CTNNA3: variants seen among roughly 807,000 people sequenced by gnomAD.
CTNNA3 encodes the protein catenin alpha 3.
CTNNA3 carries 76 observed loss-of-function variants against 95.7 expected under a neutral mutation model. The observed-to-expected ratio is 0.79, with a 90% CI of 0.66 to 0.96. The LOEUF is 0.96. Among genes scored for constraint, CTNNA3 ranks in the 40% least tolerant of loss-of-function variants. The pLI, the probability that CTNNA3 is intolerant of heterozygous loss-of-function variation, is 0.00. For missense variants in CTNNA3, 1,191 were observed against 1,089.8 expected (o/e 1.09, Z -1.31); for synonymous variants, 431 against 374.4 (o/e 1.15, Z -1.74).
chr10:67,471,489 G>T (rs1018561243), intron 5 of CTNNA3, among the ~76,000 whole-genome samples: 1 of 152,052 alleles, frequency 6.6e-6, no homozygotes, highest in Non-Finnish European at 1.5e-5. Flanking sequence ...TTTACTTTAC[G>T]GATTCAGTAA....
chr10:66,018,309 C>T (rs1325026384), intron 15 of CTNNA3, among the ~76,000 whole-genome samples: 2 of 151,680 alleles, frequency 1.3e-5, no homozygotes, highest in South Asian at 2.1e-4. Context: ...GTATTCACTG[C>T]TTTTTAGTTT....
chr10:67,078,879 A>G (rs1856886092), intron 7 of CTNNA3, among the ~76,000 whole-genome samples: 1 of 152,202 alleles, frequency 6.6e-6, no homozygotes, highest in Non-Finnish European at 1.5e-5. Flanking sequence ...GACACTTGTA[A>G]TTTTGACAAT....
chr10:66,446,354 T>G (rs1320629495), intron 11 of CTNNA3, among the ~76,000 whole-genome samples: 1 of 149,602 alleles, frequency 6.7e-6, no homozygotes, highest in Non-Finnish European at 1.5e-5. Context: ...TACCAAAGCC[T>G]GGCAGAGACA....
At chr10:67,128,164 G>A (rs1254027672) in intron 7 of CTNNA3, among the ~76,000 whole-genome samples, 1 of 152,036 alleles carries the variant, frequency 6.6e-6, no homozygotes, top group Non-Finnish European at 1.5e-5. Flanking sequence ...ACTGGCCATA[G>A]GGTGCCCAGA....
chr10:66,032,098 T>C (rs572423443), intron 15 of CTNNA3, among the ~76,000 whole-genome samples: 1 of 152,288 alleles, frequency 6.6e-6, no homozygotes, highest in Non-Finnish European at 1.5e-5. Flanking sequence ...AGTCATATCT[T>C]GGAATTTAGA....
chr10:66,839,187 CTT>C (rs1300617095), intron 7 of CTNNA3, among the ~76,000 whole-genome samples: 1 of 152,122 alleles, frequency 6.6e-6, no homozygotes, highest in African/African-American at 2.4e-5. Flanking sequence ...CCTTGGTTTG[CTT>C]TTTAGAGCTG....
intron 1 of CTNNA3, among the ~76,000 whole-genome samples, chr10:67,726,106 A>G (rs1841211514): frequency 8.5e-6 from 1 of 118,142 alleles, no homozygotes; most frequent in Non-Finnish European, 1.6e-5. Flanking sequence ...TAATTATATA[A>G]GATTATATAT....
intron 2 of CTNNA3, among the ~76,000 whole-genome samples, chr10:67,644,664 C>T (rs563715841): frequency 4.0e-5 from 6 of 151,458 alleles, no homozygotes; most frequent in African/African-American, 1.2e-4. Context: ...TAAGGAGAAT[C>T]CCATTATTAA....
At chr10:67,573,439 T>G (rs1341878858) in intron 3 of CTNNA3, among the ~76,000 whole-genome samples, 1 of 152,094 alleles carries the variant, frequency 6.6e-6, no homozygotes, top group Admixed American at 6.5e-5. Flanking sequence ...TGTTTTCTTT[T>G]TTCACCCCCT....
chr10:66,279,920 T>C (rs985766434), intron 13 of CTNNA3, among the ~76,000 whole-genome samples: 6 of 152,014 alleles, frequency 3.9e-5, no homozygotes, highest in African/African-American at 1.4e-4. Flanking sequence ...AATTGTGCTC[T>C]CACGCCTGGG....
chr10:67,494,557 T>A (rs1233504317), intron 5 of CTNNA3, among the ~76,000 whole-genome samples: 1 of 152,200 alleles, frequency 6.6e-6, no homozygotes, highest in Admixed American at 6.5e-5. Context: ...GAGGAGCTTT[T>A]TAAATTTTGA....
intron 11 of CTNNA3, among the ~76,000 whole-genome samples, chr10:66,426,181 C>G (rs1354443895): frequency 6.6e-6 from 1 of 151,780 alleles, no homozygotes; most frequent in African/African-American, 2.4e-5. Context: ...CGTATTTGTT[C>G]TTTTTCCAAC....
chr10:66,336,157 T>C (rs1263314760), intron 12 of CTNNA3, among the ~76,000 whole-genome samples: 1 of 152,048 alleles, frequency 6.6e-6, no homozygotes, highest in Non-Finnish European at 1.5e-5. Flanking sequence ...GGAAACGGAA[T>C]TCCCTGACCC....
In CTNNA3 at chr10:65,988,746, C is replaced by G. The variant is rs192848934; in HGVS notation, c.2211G>C (p.Met737Ile). Reference protein sequence around the residue: ...HTTDVIYAAKMISESGSRMDV... With the variant: ...HTTDVIYAAKIISESGSRMDV... The stretch of plus-strand genomic sequence containing the variant: ...CCATCCTTGATCCTGATTCTGATAT[C>G]ATTTTCGCTGCATAGATCACATCAG... Residue 737 changes from methionine to isoleucine, a missense_variant, in exon 16 of 18, where the codon ATG becomes ATC. Met to Ile is a conservative substitution (Grantham distance 10). Coordinates refer to ENST00000433211, the MANE Select transcript of CTNNA3 (RefSeq NM_013266.4). 2.2e-5 allele frequency: 35 copies of G among 1,614,020 alleles called. No homozygotes were observed. The East Asian group carries it at 7.1e-4, about 33-fold the overall frequency.
At chr10:66,544,993 A>G (rs936547206) in intron 10 of CTNNA3, among the ~76,000 whole-genome samples, 6 of 152,068 alleles carry the variant, frequency 3.9e-5, no homozygotes, top group African/African-American at 9.7e-5. Flanking sequence ...CCTGTAATTA[A>G]TCACCCTATA....
chr10:66,995,047 T>C lies in CTNNA3; in HGVS notation c.1047+185270A>G, dbSNP rs569151842. Among the ~76,000 whole-genome samples the C allele has an allele frequency of 2.0e-5, 3 of 152,278 alleles. No individual in the cohort carries two copies. The South Asian group carries it at 6.2e-4, about 32-fold the overall frequency. On this transcript the variant is annotated intron_variant, in intron 7 of 17. Transcript: ENST00000433211. ...ATTCCAAGTATATGCTAAATACTCCTAAATCTAGATCTCTAGCCCAAGATG... is the reference window on the plus strand; with the variant it reads ...ATTCCAAGTATATGCTAAATACTCCCAAATCTAGATCTCTAGCCCAAGATG...
intron 13 of CTNNA3, among the ~76,000 whole-genome samples, chr10:66,171,086 T>TC (rs2085401877): frequency 1.3e-5 from 2 of 151,972 alleles, no homozygotes; most frequent in Non-Finnish European, 2.9e-5. Flanking sequence ...TGAGCCGAGA[T>TC]GGAGCCACTG....
At chr10:66,327,575 A>T (rs184332199) in intron 12 of CTNNA3, among the ~76,000 whole-genome samples, 2 of 152,152 alleles carry the variant, frequency 1.3e-5, no homozygotes, top group East Asian at 3.9e-4. Flanking sequence ...ATTGTCGTTC[A>T]AATTTTGCAT....
At chr10:66,060,288 AT>A (rs1472751573) in intron 15 of CTNNA3, among the ~76,000 whole-genome samples, 1 of 152,070 alleles carries the variant, frequency 6.6e-6, no homozygotes, top group African/African-American at 2.4e-5. Context: ...TATGAAAAAA[AT>A]AATATCTAAT....
Sources: gnomAD v4.1 joint callset for allele counts (sites outside exome capture counted in the v4.1 genomes callset) on GRCh38, gnomAD v4.1.1 for gene constraint, MANE v1.5 for transcripts, NCBI Gene and HGNC (gene_info 2026-07-23, HGNC 2026-07-21) for gene names.